CSNK2A2IP: variants seen among roughly 807,000 people sequenced by gnomAD.
CSNK2A2IP encodes casein kinase 2 subunit alpha' interacting protein.
the CSNK2A2IP span, among the ~76,000 whole-genome samples, chr3:88,374,950 G>T: frequency 6.6e-6 from 1 of 151,800 alleles, no homozygotes; most frequent in East Asian, 1.9e-4. Flanking sequence ...ACTCATCATA[G>T]GTTATCAAAA....
the CSNK2A2IP span, among the ~76,000 whole-genome samples, chr3:88,450,817 A>G: frequency 8.5e-5 from 13 of 152,152 alleles, no homozygotes; most frequent in Non-Finnish European, 1.8e-4. Context: ...GAACATAAGC[A>G]GGTAGGTATC....
the CSNK2A2IP span, among the ~76,000 whole-genome samples, chr3:88,341,065 A>T: frequency 1.3e-5 from 2 of 151,672 alleles, no homozygotes; most frequent in East Asian, 3.9e-4. Context: ...ATGCAAATGC[A>T]TATTTACTTT....
the CSNK2A2IP span, among the ~76,000 whole-genome samples, chr3:88,449,160 G>C: frequency 6.6e-6 from 1 of 151,510 alleles, no homozygotes; most frequent in African/African-American, 2.4e-5. Flanking sequence ...GTTTTTATTT[G>C]GTGAACTTAT....
chr3:88,396,025 G>A, the CSNK2A2IP span, among the ~76,000 whole-genome samples: 5 of 151,210 alleles, frequency 3.3e-5, no homozygotes, highest in Non-Finnish European at 5.9e-5. Flanking sequence ...CTCTGACTAT[G>A]AGTTTACGAT....
the CSNK2A2IP span, among the ~76,000 whole-genome samples, chr3:88,339,913 T>C: frequency 2.2e-4 from 33 of 152,010 alleles, no homozygotes; most frequent in Non-Finnish European, 3.4e-4. Flanking sequence ...TTGTTGCTCT[T>C]CTGGGTCATT....
the CSNK2A2IP span, among the ~76,000 whole-genome samples, chr3:88,432,871 G>T: frequency 6.6e-6 from 1 of 151,338 alleles, no homozygotes; most frequent in Non-Finnish European, 1.5e-5. Flanking sequence ...TACATATTTA[G>T]GTTGCTTCTA....
the CSNK2A2IP span, among the ~76,000 whole-genome samples, chr3:88,450,872 G>A: frequency 0.29 from 44,408 of 151,878 alleles, 7,229 homozygotes; most frequent in East Asian, 0.48. Flanking sequence ...ACATCCAGAA[G>A]AGGAATTGCT....
chr3:88,344,047 A>T, the CSNK2A2IP span, among the ~76,000 whole-genome samples: 1 of 151,992 alleles, frequency 6.6e-6, no homozygotes, highest in African/African-American at 2.4e-5. Flanking sequence ...AAAACTTTCA[A>T]ACATTTTAGT....
At chr3:88,463,539 A>G in the CSNK2A2IP span, among the ~76,000 whole-genome samples, 2 of 152,150 alleles carry the variant, frequency 1.3e-5, no homozygotes, top group Non-Finnish European at 2.9e-5. Flanking sequence ...CAGCCAAAAA[A>G]CACATGAAAA....
the CSNK2A2IP span, among the ~76,000 whole-genome samples, chr3:88,442,634 A>G: frequency 2.0e-5 from 3 of 152,160 alleles, no homozygotes; most frequent in Non-Finnish European, 4.4e-5. Context: ...CTTGAGACAC[A>G]TACTATTGTT....
chr3:88,369,247 G>A, the CSNK2A2IP span, among the ~76,000 whole-genome samples: 617 of 152,008 alleles, frequency 4.1e-3, 4 homozygotes, highest in African/African-American at 0.014. Flanking sequence ...GAGAATGAAC[G>A]GCCTTGTAGG....
chr3:88,361,201 G>A, the CSNK2A2IP span, among the ~76,000 whole-genome samples: 8 of 152,146 alleles, frequency 5.3e-5, no homozygotes, highest in African/African-American at 1.9e-4. Flanking sequence ...TTTTACCAGT[G>A]AGTGTGTTAT....
the CSNK2A2IP span, among the ~76,000 whole-genome samples, chr3:88,339,711 A>G: frequency 6.6e-6 from 1 of 152,102 alleles, no homozygotes; most frequent in Non-Finnish European, 1.5e-5. Context: ...GAATCATTCA[A>G]AGCTAAATTA....
chr3:88,464,035 A>C, the CSNK2A2IP span, among the ~76,000 whole-genome samples: 106,022 of 151,114 alleles, frequency 0.7, 39,076 homozygotes, highest in East Asian at 0.92. Context: ...AAGCTGGAAA[A>C]CATCATTCTC....
At chr3:88,362,274 G>A in the CSNK2A2IP span, among the ~76,000 whole-genome samples, 28 of 152,000 alleles carry the variant, frequency 1.8e-4, no homozygotes, top group African/African-American at 6.5e-4. Context: ...ATAAAGATTG[G>A]GGGTTATTAC....
At chr3:88,345,034 C>T in the CSNK2A2IP span, among the ~76,000 whole-genome samples, 1 of 151,900 alleles carries the variant, frequency 6.6e-6, no homozygotes, top group Non-Finnish European at 1.5e-5. Context: ...TATATTTTGG[C>T]TTTCAACTGT....
At chr3:88,444,096 C>T in the CSNK2A2IP span, among the ~76,000 whole-genome samples, 6 of 151,850 alleles carry the variant, frequency 4.0e-5, no homozygotes, top group African/African-American at 1.4e-4. Flanking sequence ...TTCAATTGTA[C>T]ATTTTAAAAC....
the CSNK2A2IP span, among the ~76,000 whole-genome samples, chr3:88,455,038 C>A: frequency 6.6e-6 from 1 of 151,878 alleles, no homozygotes; most frequent in Admixed American, 6.6e-5. Flanking sequence ...CTGGCCTTAT[C>A]CATGTTGTTG....
At chr3:88,426,034 TTTCATGGTAAGCA>T in the CSNK2A2IP span, among the ~76,000 whole-genome samples, 1 of 152,158 alleles carries the variant, frequency 6.6e-6, no homozygotes, top group African/African-American at 2.4e-5. Context: ...TCAGCTACAG[TTTCATGGTAAGCA>T]TTCTAAATAT....
Sources: allele counts gnomAD v4.1 joint callset (sites outside exome capture counted in the v4.1 genomes callset), GRCh38; gene constraint gnomAD v4.1.1; transcripts MANE v1.5; gene names NCBI Gene and HGNC (gene_info 2026-07-23, HGNC 2026-07-21).